The following CDH13 variants were observed in gnomAD, a reference collection of about 807,000 sequenced individuals.
CDH13 encodes the protein cadherin-13.
CDH13 carries 24 observed loss-of-function variants against 63.8 expected under a neutral mutation model. The ratio of observed to expected loss-of-function variants is 0.38; its 90% CI spans 0.27 to 0.53. The LOEUF is 0.53. Among genes scored for constraint, CDH13 ranks in the 20% least tolerant of loss-of-function variants. The probability of loss-of-function intolerance (pLI) is 0.85; values close to 1 mark genes in which losing one functional copy is unlikely to be tolerated. For missense variants in CDH13, 1,049 were observed against 903.1 expected (o/e 1.16, Z -2.07); for synonymous variants, 503 against 355.3 (o/e 1.42, Z -4.67).
intron 1 of CDH13, among the ~76,000 whole-genome samples, chr16:82,797,984 A>C (rs755518249): frequency 2.0e-5 from 3 of 152,152 alleles, no homozygotes; most frequent in Admixed American, 6.6e-5. Flanking sequence ...ACCACGATGG[A>C]TCCAGATTTA....
chr16:83,400,301 G>T (rs1019276047), intron 6 of CDH13, among the ~76,000 whole-genome samples: 5 of 152,168 alleles, frequency 3.3e-5, no homozygotes, highest in African/African-American at 1.2e-4. Flanking sequence ...ACAGGTGTTA[G>T]AGATCAAGTG....
intron 2 of CDH13, among the ~76,000 whole-genome samples, chr16:82,985,527 C>A (rs956408611): frequency 2.0e-5 from 3 of 152,156 alleles, no homozygotes; most frequent in Admixed American, 2.0e-4. Context: ...GATAAATTCT[C>A]ACTCAGGCCC....
chr16:83,612,436 A>G (rs891963145), intron 8 of CDH13, among the ~76,000 whole-genome samples: 58 of 151,848 alleles, frequency 3.8e-4, no homozygotes, highest in African/African-American at 1.3e-3. Context: ...TGGTGTATGT[A>G]TGGGCTTTGA....
intron 1 of CDH13, among the ~76,000 whole-genome samples, chr16:82,811,072 C>T (rs893124877): frequency 4.6e-5 from 7 of 152,052 alleles, no homozygotes; most frequent in African/African-American, 1.7e-4. Context: ...TTATGCTATA[C>T]CATATTTATA....
At chr16:83,484,221 G>A (rs1443664200) in intron 6 of CDH13, among the ~76,000 whole-genome samples, 2 of 152,158 alleles carry the variant, frequency 1.3e-5, no homozygotes, top group Admixed American at 1.3e-4. Flanking sequence ...GAGAAGCATT[G>A]CTATGGAAGG....
intron 2 of CDH13, among the ~76,000 whole-genome samples, chr16:83,027,657 T>A (rs1915940708): frequency 6.6e-6 from 1 of 152,198 alleles, no homozygotes; most frequent in Admixed American, 6.5e-5. Context: ...GGTCTTATAG[T>A]TGCAACAGGA....
At chr16:83,247,506 A>C (rs200216702) in intron 5 of CDH13, among the ~76,000 whole-genome samples, 1 of 136,210 alleles carries the variant, frequency 7.3e-6, no homozygotes, top group Non-Finnish European at 1.6e-5. Context: ...CTTTTTTTTT[A>C]ATTAACAGTG....
intron 2 of CDH13, among the ~76,000 whole-genome samples, chr16:82,939,321 G>A (rs568711912): frequency 6.6e-6 from 1 of 152,236 alleles, no homozygotes; most frequent in Admixed American, 6.5e-5. Flanking sequence ...TACTCAATAG[G>A]CTGAGACAGA....
At chr16:83,569,380 T>C (rs1318051708) in intron 7 of CDH13, among the ~76,000 whole-genome samples, 1 of 152,212 alleles carries the variant, frequency 6.6e-6, no homozygotes, top group East Asian at 1.9e-4. Context: ...CTCAGGGCTA[T>C]CTCTGACAAA....
chr16:83,358,973 C>G (rs981006467), intron 6 of CDH13, among the ~76,000 whole-genome samples: 8 of 152,162 alleles, frequency 5.3e-5, no homozygotes. Context: ...ATAATGCACA[C>G]CATGATGGGG....
chr16:83,476,862 G>T (rs1467738426), intron 6 of CDH13, among the ~76,000 whole-genome samples: 4 of 152,170 alleles, frequency 2.6e-5, no homozygotes, highest in Non-Finnish European at 5.9e-5. Context: ...TTTTTGAAGT[G>T]TTTTCAGGCA....
chr16:82,940,400 C>T (rs1167978119), intron 2 of CDH13, among the ~76,000 whole-genome samples: 3 of 152,056 alleles, frequency 2.0e-5, no homozygotes, highest in African/African-American at 7.2e-5. Flanking sequence ...CTGTTTTGCT[C>T]GGTGGTGAGG....
intron 3 of CDH13, among the ~76,000 whole-genome samples, chr16:83,107,885 T>C (rs1485799398): frequency 6.6e-6 from 1 of 151,690 alleles, no homozygotes; most frequent in African/African-American, 2.4e-5. Flanking sequence ...ATTGGTGTGA[T>C]CTCGGCTCAC....
chr16:82,935,086 C>T (rs981825039), intron 2 of CDH13, among the ~76,000 whole-genome samples: 1 of 152,176 alleles, frequency 6.6e-6, no homozygotes, highest in African/African-American at 2.4e-5. Flanking sequence ...ATACCTGAGA[C>T]TGGGTGATTT....
At chr16:83,075,755 G>C (rs551828115) in intron 3 of CDH13, among the ~76,000 whole-genome samples, 3 of 152,168 alleles carry the variant, frequency 2.0e-5, no homozygotes, top group Non-Finnish European at 2.9e-5. Flanking sequence ...ACTTTGACTT[G>C]TGCTTTGTGA....
chr16:83,198,507 A>T (rs1258829592), intron 4 of CDH13, among the ~76,000 whole-genome samples: 1 of 152,194 alleles, frequency 6.6e-6, no homozygotes. Flanking sequence ...TCTATTTATT[A>T]TTCAGATCTC....
intron 7 of CDH13, among the ~76,000 whole-genome samples, chr16:83,513,978 T>C (rs1242667459): frequency 6.6e-6 from 1 of 152,190 alleles, no homozygotes; most frequent in African/African-American, 2.4e-5. Context: ...CAATAGAGAC[T>C]GTCTTGTATG....
intron 1 of CDH13, among the ~76,000 whole-genome samples, chr16:82,845,407 T>A (rs551917244): frequency 5.9e-5 from 9 of 152,314 alleles, no homozygotes; most frequent in African/African-American, 2.2e-4. Flanking sequence ...GCAAAGAGAC[T>A]GAGGGCACTC....
chr16:83,037,091 A>AC (rs1916929578), intron 3 of CDH13, among the ~76,000 whole-genome samples: 1 of 152,220 alleles, frequency 6.6e-6, no homozygotes, highest in Non-Finnish European at 1.5e-5. Context: ...GGTGGTGTTC[A>AC]TCCAGGAGCC....
Sources: allele counts gnomAD v4.1 joint callset (sites outside exome capture counted in the v4.1 genomes callset), GRCh38; gene constraint gnomAD v4.1.1; transcripts MANE v1.5; gene names NCBI Gene and HGNC (gene_info 2026-07-23, HGNC 2026-07-21).